The following ANO6 variants were observed in gnomAD, a reference collection of about 807,000 sequenced individuals.
The protein encoded by ANO6 is anoctamin 6.
ANO6 carries 106 observed loss-of-function variants against 117.5 expected under a neutral mutation model. The ratio of observed to expected loss-of-function variants is 0.90; its 90% CI spans 0.77 to 1.06. The LOEUF (loss-of-function observed/expected upper bound fraction) is 1.06, where lower values mean the gene tolerates loss of function less well. ANO6 is among the 50% of genes least tolerant of loss of function. The pLI, the probability that ANO6 is intolerant of heterozygous loss-of-function variation, is 0.00. For synonymous variants in ANO6, 367 were observed against 385.1 expected (o/e 0.95, Z 0.55); for missense variants, 955 against 1,121.1 (o/e 0.85, Z 2.12).
At chr12:45,240,956 G>A (rs1278327529) in intron 1 of ANO6, among the ~76,000 whole-genome samples, 1 of 152,176 alleles carries the variant, frequency 6.6e-6, no homozygotes, top group African/African-American at 2.4e-5. Context: ...TGGGTAACCC[G>A]ACCTTTCTCT....
At chr12:45,399,482 C>T (rs1482471236) in intron 12 of ANO6, among the ~76,000 whole-genome samples, 1 of 152,140 alleles carries the variant, frequency 6.6e-6, no homozygotes, top group African/African-American at 2.4e-5. Flanking sequence ...GCGTGAGCCA[C>T]CGCGCCTGGC....
intron 10 of ANO6, among the ~76,000 whole-genome samples, chr12:45,384,562 C>T (rs1019763783): frequency 6.6e-6 from 1 of 152,180 alleles, no homozygotes; most frequent in Non-Finnish European, 1.5e-5. Context: ...ACTGTTGCAT[C>T]TCAAAGAATA....
chr12:45,402,024 A>G lies in ANO6; in HGVS notation c.1612+4A>G, dbSNP rs1157660770. 1.2e-6 allele frequency: 2 copies of G among 1,609,790 alleles called. No individual in the cohort carries two copies. Among genetic ancestry groups the G allele is most frequent in the Non-Finnish European group, 1.7e-6 (2 of 1,176,592 alleles). On this transcript the variant is annotated splice_donor_region_variant and intron_variant, in intron 13 of 19. Transcript: ENST00000320560. ...GCAATTATGATTACTAACTTCGGTA[A>G]GGTCCTACTATAGCTTAGGTAACTT...
Position 45,431,150 on chromosome 12 carries a change from T to C in ANO6, c.*1839T>C. The C allele has an allele frequency of 1.0e-6, 1 of 985,316 alleles. No individual in the cohort carries two copies. 61.0% of individuals were successfully genotyped at this position (985,316 alleles called of 1,614,324 possible). ...TCACTGTCTCTCTTGATCGTGTTAA[T>C]GATGCAATCAGAGTTCAAGACAGGC... is the stretch of plus-strand genomic sequence containing the variant. On this transcript the variant is annotated 3_prime_UTR_variant, in exon 20 of 20. Transcript: ENST00000320560.
chr12:45,277,165 T>G (rs1179767309), intron 1 of ANO6, among the ~76,000 whole-genome samples: 1 of 152,194 alleles, frequency 6.6e-6, no homozygotes. Context: ...CCCCATTCCC[T>G]CAATTGTAAT....
chr12:45,289,003 A>G (rs1333723529), intron 1 of ANO6, among the ~76,000 whole-genome samples: 1 of 151,868 alleles, frequency 6.6e-6, no homozygotes, highest in Admixed American at 6.6e-5. Flanking sequence ...TCACATAGAG[A>G]TATATTGCTG....
chr12:45,383,712 T>C (rs1942224945), intron 10 of ANO6, among the ~76,000 whole-genome samples: 1 of 152,208 alleles, frequency 6.6e-6, no homozygotes, highest in Non-Finnish European at 1.5e-5. Flanking sequence ...TTATGAACAA[T>C]GGGCTTAAAA....
chr12:45,365,845 C>G (rs1593018882), intron 8 of ANO6, among the ~76,000 whole-genome samples: 1 of 150,588 alleles, frequency 6.6e-6, no homozygotes, highest in Non-Finnish European at 1.5e-5. Flanking sequence ...GAAGCACTTG[C>G]TCCTCAGATG....
At chr12:45,283,783 A>G (rs960565800) in intron 1 of ANO6, among the ~76,000 whole-genome samples, 1 of 152,122 alleles carries the variant, frequency 6.6e-6, no homozygotes, top group African/African-American at 2.4e-5. Flanking sequence ...GTTGATTCTA[A>G]TACCTTAATG....
Position 45,430,581 on chromosome 12 carries a change from A to C in ANO6, c.*1270A>C, listed in dbSNP as rs17095890. 23,717 of 985,400 alleles carry C rather than the reference A, an allele frequency of 0.024. 354 individuals carry two copies. Among genetic ancestry groups the C allele is most frequent in the African/African-American group, 0.063 (3,607 of 57,332 alleles). 61.0% of individuals were successfully genotyped at this position (985,400 alleles called of 1,614,324 possible). ...TACCCAGCTTATTCATAATCAAGTAAAGAGACTCAGATTAGATTTGATTTT... is the reference window on the plus strand; with the variant it reads ...TACCCAGCTTATTCATAATCAAGTACAGAGACTCAGATTAGATTTGATTTT... On this transcript the variant is annotated 3_prime_UTR_variant, in exon 20 of 20. Coordinates refer to ENST00000320560, the MANE Select transcript of ANO6 (RefSeq NM_001025356.3).
At chr12:45,318,581 G>T (rs1940135915) in intron 2 of ANO6, among the ~76,000 whole-genome samples, 1 of 152,082 alleles carries the variant, frequency 6.6e-6, no homozygotes, top group Admixed American at 6.6e-5. Context: ...TTGTTCTTTT[G>T]GCTTAGGATT....
intron 11 of ANO6, among the ~76,000 whole-genome samples, chr12:45,388,966 G>T (rs1467131816): frequency 6.6e-6 from 1 of 152,180 alleles, no homozygotes; most frequent in East Asian, 1.9e-4. Flanking sequence ...CCTGAAAGAT[G>T]ATTTTTAAAT....
chr12:45,421,334 CTTAA>C, intron 18 of ANO6, 61 bp downstream of exon 18: 8 of 1,518,148 alleles, frequency 5.3e-6, no homozygotes, highest in Non-Finnish European at 7.2e-6. Context: ...TTTCTTGTGA[CTTAA>C]TTCTGTTTGG....
intron 6 of ANO6, 65 bp from the exon 7 acceptor site, chr12:45,350,594 T>C (rs1335440414): frequency 7.8e-7 from 1 of 1,280,602 alleles, no homozygotes; most frequent in African/African-American, 1.5e-5. Flanking sequence ...TTGTATCACA[T>C]TTAAGAAGCA....
At chr12:45,227,989 T>C (rs909851846) in intron 1 of ANO6, among the ~76,000 whole-genome samples, 1 of 152,198 alleles carries the variant, frequency 6.6e-6, no homozygotes, top group Non-Finnish European at 1.5e-5. Context: ...GGGGAATCTC[T>C]TTCAGGGAAA....
intron 1 of ANO6, among the ~76,000 whole-genome samples, chr12:45,217,452 A>G (rs1255498422): frequency 6.6e-6 from 1 of 152,238 alleles, no homozygotes; most frequent in Non-Finnish European, 1.5e-5. Flanking sequence ...TTGGGCACGG[A>G]ATATTTCGAT....
chr12:45,283,315 C>T (rs999294235), intron 1 of ANO6, among the ~76,000 whole-genome samples: 2 of 152,072 alleles, frequency 1.3e-5, no homozygotes, highest in Non-Finnish European at 1.5e-5. Context: ...AGGTTGAAGT[C>T]ACAGTAAAAA....
At chr12:45,347,615 C>G in intron 4 of ANO6, 1 of 185,912 alleles carries the variant, frequency 5.4e-6, no homozygotes, top group Non-Finnish European at 1.1e-5. Context: ...TTTTAACAGC[C>G]ACATAATATG....
At chr12:45,395,862 A>G (rs137945203) in intron 12 of ANO6, among the ~76,000 whole-genome samples, 2,949 of 152,356 alleles carry the variant, frequency 0.019, 55 homozygotes, top group Admixed American at 0.031. Flanking sequence ...AGAGCTATTT[A>G]TGACAAACCC....
Sources: gnomAD v4.1 joint callset for allele counts (sites outside exome capture counted in the v4.1 genomes callset) on GRCh38, gnomAD v4.1.1 for gene constraint, MANE v1.5 for transcripts, NCBI Gene and HGNC (gene_info 2026-07-23, HGNC 2026-07-21) for gene names.